The following PRTFDC1 variants were observed in gnomAD, a reference collection of about 807,000 sequenced individuals.
PRTFDC1 encodes the protein phosphoribosyl transferase domain containing 1.
In PRTFDC1, 38 loss-of-function variants were observed where a neutral mutation model predicts 34.6. The observed-to-expected ratio is 1.10, with a 90% CI of 0.85 to 1.44. The LOEUF (loss-of-function observed/expected upper bound fraction) is 1.44, where lower values mean the gene tolerates loss of function less well. Ranked by LOEUF, PRTFDC1 falls within the 40% of genes most tolerant of loss-of-function variation. PRTFDC1 has a pLI of 0.00. For synonymous variants in PRTFDC1, 93 were observed against 98.1 expected (o/e 0.95, Z 0.31); for missense variants, 270 against 283.0 (o/e 0.95, Z 0.33).
chr10:24,944,822 G>A (rs556491708), intron 1 of PRTFDC1, among the ~76,000 whole-genome samples: 3 of 151,974 alleles, frequency 2.0e-5, no homozygotes, highest in Non-Finnish European at 4.4e-5. Context: ...ATCCTATCAT[G>A]GCAGCCTTCT....
chr10:24,900,754 C>T (rs986582084), intron 3 of PRTFDC1, among the ~76,000 whole-genome samples: 2 of 152,128 alleles, frequency 1.3e-5, no homozygotes, highest in Non-Finnish European at 1.5e-5. Flanking sequence ...TTAGTTCCTA[C>T]ATTTTGTACA....
At chr10:24,882,317 G>T (rs1287941269) in intron 3 of PRTFDC1, among the ~76,000 whole-genome samples, 1 of 151,982 alleles carries the variant, frequency 6.6e-6, no homozygotes, top group African/African-American at 2.4e-5. Flanking sequence ...CCCAATGACA[G>T]TATGCATATC....
intron 3 of PRTFDC1, among the ~76,000 whole-genome samples, chr10:24,880,843 C>CTT (rs1351399753): frequency 2.0e-5 from 3 of 148,378 alleles, no homozygotes; most frequent in African/African-American, 7.6e-5. Flanking sequence ...TTCTTTCTTT[C>CTT]TTTCTTTCTT....
At chr10:24,935,899 A>G (rs549020580) in intron 3 of PRTFDC1, among the ~76,000 whole-genome samples, 1 of 152,336 alleles carries the variant, frequency 6.6e-6, no homozygotes, top group East Asian at 1.9e-4. Flanking sequence ...GCTTGCCAAC[A>G]GTCAGTGATC....
intron 3 of PRTFDC1, among the ~76,000 whole-genome samples, chr10:24,883,293 C>T (rs1270910150): frequency 6.6e-6 from 1 of 151,984 alleles, no homozygotes; most frequent in East Asian, 1.9e-4. Context: ...AATGATTAAT[C>T]ACTGTATTGT....
chr10:24,861,062 C>G (rs1265231277), intron 4 of PRTFDC1, among the ~76,000 whole-genome samples: 1 of 151,652 alleles, frequency 6.6e-6, no homozygotes, highest in Non-Finnish European at 1.5e-5. Flanking sequence ...ATAGAGTCAT[C>G]TTTGAAAAGA....
chr10:24,934,957 C>A (rs577271420), intron 3 of PRTFDC1, among the ~76,000 whole-genome samples: 1 of 152,226 alleles, frequency 6.6e-6, no homozygotes, highest in Admixed American at 6.5e-5. Context: ...TTTACTAAAG[C>A]TACATGATAT....
intron 3 of PRTFDC1, among the ~76,000 whole-genome samples, chr10:24,918,043 T>C (rs2132578637): frequency 6.6e-6 from 1 of 152,238 alleles, no homozygotes; most frequent in South Asian, 2.1e-4. Context: ...GGGATGAGGC[T>C]GGGTGGGAGG....
intron 3 of PRTFDC1, among the ~76,000 whole-genome samples, chr10:24,895,607 G>A (rs1443573019): frequency 5.4e-5 from 8 of 147,944 alleles, no homozygotes; most frequent in African/African-American, 1.7e-4. Context: ...GTGCATGAAC[G>A]GCCTTGCTTA....
chr10:24,865,134 A>C (rs977369919), intron 4 of PRTFDC1, among the ~76,000 whole-genome samples: 4 of 151,980 alleles, frequency 2.6e-5, no homozygotes, highest in African/African-American at 9.7e-5. Flanking sequence ...AAAACAAAAC[A>C]AACGAACAAA....
intron 3 of PRTFDC1, among the ~76,000 whole-genome samples, chr10:24,927,302 C>T (rs899044712): frequency 2.0e-5 from 3 of 152,152 alleles, no homozygotes; most frequent in African/African-American, 7.2e-5. Flanking sequence ...AGGAATAAGA[C>T]AGATGTTTCA....
rs1849362836 is a variant in PRTFDC1, at chr10:24,952,503, C to T, written c.48+25G>A. On this transcript the variant is annotated intron_variant, in intron 1 of 8. Coordinates refer to ENST00000320152, the MANE Select transcript of PRTFDC1 (RefSeq NM_020200.7). This position sits in a 1 kb window ranked among gnomAD's most constrained non-coding sequence, Gnocchi z 5.1. ...AGGGAGGGAGGGGAGCGGGCCGAGCCCCAAAATAGGGAGTTTGCATTTACC... is the reference window on the plus strand; with the variant it reads ...AGGGAGGGAGGGGAGCGGGCCGAGCTCCAAAATAGGGAGTTTGCATTTACC... 5 of 1,575,494 alleles carry T rather than the reference C, an allele frequency of 3.2e-6. No homozygotes were observed. Among genetic ancestry groups the T allele is most frequent in the Non-Finnish European group, 4.3e-6 (5 of 1,159,608 alleles).
chr10:24,936,098 A>G (rs1849046501), intron 3 of PRTFDC1, among the ~76,000 whole-genome samples: 1 of 152,232 alleles, frequency 6.6e-6, no homozygotes, highest in Non-Finnish European at 1.5e-5. Flanking sequence ...TAGAAGGCCA[A>G]TTCAAAGAGT....
intron 8 of PRTFDC1, among the ~76,000 whole-genome samples, chr10:24,850,190 G>C (rs955181344): frequency 6.6e-6 from 1 of 152,168 alleles, no homozygotes; most frequent in Non-Finnish European, 1.5e-5. Context: ...TCTCCTACTG[G>C]TAAGATGACA....
At chr10:24,878,802 A>C (rs1312405979) in intron 3 of PRTFDC1, among the ~76,000 whole-genome samples, 1 of 152,214 alleles carries the variant, frequency 6.6e-6, no homozygotes, top group African/African-American at 2.4e-5. Flanking sequence ...TAAAGAAAAC[A>C]AATAAACAAG....
intron 3 of PRTFDC1, among the ~76,000 whole-genome samples, chr10:24,917,468 C>A (rs1423484241): frequency 6.6e-6 from 1 of 152,114 alleles, no homozygotes; most frequent in Non-Finnish European, 1.5e-5. Context: ...TTTAGAGATA[C>A]CAAGATTTTA....
chr10:24,879,230 C>T (rs965280328), intron 3 of PRTFDC1, among the ~76,000 whole-genome samples: 2 of 152,120 alleles, frequency 1.3e-5, no homozygotes, highest in Non-Finnish European at 2.9e-5. Flanking sequence ...GTCCCTCAGT[C>T]TTTTAAGCTG....
intron 3 of PRTFDC1, among the ~76,000 whole-genome samples, chr10:24,874,551 T>C (rs1847929279): frequency 6.6e-6 from 1 of 152,220 alleles, no homozygotes; most frequent in Non-Finnish European, 1.5e-5. Flanking sequence ...GTGAGATTTA[T>C]AGTCTGTCAG....
At chr10:24,851,566 T>C (rs570471893) in intron 7 of PRTFDC1, 102 bp from the exon 8 acceptor site, 2 of 1,508,320 alleles carry the variant, frequency 1.3e-6, no homozygotes, top group African/African-American at 2.8e-5. Flanking sequence ...TGAGGACCTT[T>C]CATTGAGGCA....
Sources: allele counts gnomAD v4.1 joint callset (sites outside exome capture counted in the v4.1 genomes callset), GRCh38; gene constraint gnomAD v4.1.1; non-coding constraint Gnocchi (gnomAD v3.1); transcripts MANE v1.5; gene names NCBI Gene and HGNC (gene_info 2026-07-23, HGNC 2026-07-21).